The following DPH6 variants were observed in gnomAD, a reference collection of about 807,000 sequenced individuals.
The protein encoded by DPH6 is diphthamine biosynthesis 6.
A neutral mutation model predicts 38.2 loss-of-function variants in DPH6; 33 were observed. The observed-to-expected ratio is 0.86, with a 90% CI of 0.65 to 1.15. DPH6 has a LOEUF of 1.15. Ranked by LOEUF, DPH6 falls within the 50% of genes most tolerant of loss-of-function variation. The pLI, the probability that DPH6 is intolerant of heterozygous loss-of-function variation, is 0.00. For synonymous variants in DPH6, 108 were observed against 103.0 expected (o/e 1.05, Z -0.30); for missense variants, 325 against 320.0 (o/e 1.02, Z -0.12).
intron 3 of DPH6, among the ~76,000 whole-genome samples, chr15:35,264,790 T>C (rs565409905): frequency 1.3e-5 from 2 of 152,314 alleles, no homozygotes; most frequent in Non-Finnish European, 2.9e-5. Flanking sequence ...AAATATGACA[T>C]AGAACTATAA....
At chr15:35,376,355 A>G (rs980194214) in intron 7 of DPH6, among the ~76,000 whole-genome samples, 15 of 152,134 alleles carry the variant, frequency 9.9e-5, no homozygotes, top group African/African-American at 3.6e-4. Flanking sequence ...TCAATTACCT[A>G]TCTTCATGTG....
At chr15:35,376,944 T>C (rs1185475514) in intron 7 of DPH6, among the ~76,000 whole-genome samples, 1 of 152,172 alleles carries the variant, frequency 6.6e-6, no homozygotes, top group Middle Eastern at 3.2e-3. Flanking sequence ...AAGTGACTCA[T>C]GACTGTACAC....
intron 3 of DPH6, chr15:35,519,539 T>C (rs1403229043): frequency 6.6e-6 from 1 of 152,092 alleles, no homozygotes; most frequent in Non-Finnish European, 1.5e-5. Context: ...CCAATAATTC[T>C]AAATGAAAAC....
At chr15:35,390,527 G>A (rs910711614) in intron 6 of DPH6, among the ~76,000 whole-genome samples, 7 of 152,160 alleles carry the variant, frequency 4.6e-5, no homozygotes, top group Non-Finnish European at 7.4e-5. Flanking sequence ...ATTTCTTGGA[G>A]GCTTTGTTCA....
the DPH6 span, among the ~76,000 whole-genome samples, chr15:35,207,455 C>T: frequency 6.6e-6 from 1 of 152,024 alleles, no homozygotes; most frequent in Non-Finnish European, 1.5e-5. Flanking sequence ...ACCAAAGAAC[C>T]AAAAGATTCC....
chr15:35,247,093 C>CCA (rs1338069283), intron 3 of DPH6, among the ~76,000 whole-genome samples: 2 of 152,168 alleles, frequency 1.3e-5, no homozygotes, highest in Admixed American at 6.5e-5. Flanking sequence ...AAAGCTCATT[C>CCA]CACACCAAGG....
intron 3 of DPH6, among the ~76,000 whole-genome samples, chr15:35,522,638 T>C (rs1304708540): frequency 1.3e-5 from 2 of 152,136 alleles, no homozygotes; most frequent in African/African-American, 4.8e-5. Context: ...TGATAATCAA[T>C]AGGAAAGATT....
rs551966972 is a variant in DPH6, at chr15:35,227,644, AT to A, written n.201-7063del. On this transcript the variant is annotated intron_variant and non_coding_transcript_variant, in intron 3 of 3. Coordinates refer to the DPH6 transcript ENST00000560386. ...TTCAAAATCATGTATTTCTGTTCTG[AT>A]TTTTTTTTTCTTCTACTAAGTTTGG... Among the ~76,000 whole-genome samples the A allele has an allele frequency of 1.2e-4, 18 of 144,602 alleles. No individual in the cohort carries two copies. The East Asian group carries it at 1.8e-3, about 15-fold the overall frequency. The allele number at this position is 144,602 out of a possible 152,430, so 94.9% of individuals were successfully genotyped here.
At chr15:35,332,758 G>A (rs892614532) in intron 3 of DPH6, among the ~76,000 whole-genome samples, 5 of 151,972 alleles carry the variant, frequency 3.3e-5, no homozygotes, top group Admixed American at 6.6e-5. Flanking sequence ...TGTTAGTGAC[G>A]ATAATTAGTT....
intron 3 of DPH6, among the ~76,000 whole-genome samples, chr15:35,460,941 T>C (rs929063336): frequency 4.0e-5 from 6 of 148,238 alleles, no homozygotes; most frequent in Non-Finnish European, 7.4e-5. Context: ...CTAGAACTAT[T>C]TCCACACCTA....
At chr15:35,332,788 G>A (rs1016738489) in intron 3 of DPH6, among the ~76,000 whole-genome samples, 1 of 151,958 alleles carries the variant, frequency 6.6e-6, no homozygotes, top group Non-Finnish European at 1.5e-5. Context: ...GTTAAATTAC[G>A]AAGTAAGGAG....
intron 3 of DPH6, among the ~76,000 whole-genome samples, chr15:35,296,959 G>C (rs897385720): frequency 1.3e-5 from 2 of 152,060 alleles, no homozygotes; most frequent in African/African-American, 2.4e-5. Flanking sequence ...TGATGGCCTG[G>C]CTTCTTATTC....
intron 3 of DPH6, among the ~76,000 whole-genome samples, chr15:35,504,528 G>A (rs1278394660): frequency 6.7e-6 from 1 of 150,224 alleles, no homozygotes; most frequent in Non-Finnish European, 1.5e-5. Flanking sequence ...ATATAATATT[G>A]TACTGTTACT....
chr15:35,530,723 G>A (rs76556280), intron 3 of DPH6, among the ~76,000 whole-genome samples: 3,305 of 152,256 alleles, frequency 0.022, 114 homozygotes, highest in African/African-American at 0.071. Flanking sequence ...ATAAGTTTAG[G>A]AACTATAGTA....
At chr15:35,260,663 C>A (rs1167555713) in intron 3 of DPH6, among the ~76,000 whole-genome samples, 2 of 151,938 alleles carry the variant, frequency 1.3e-5, no homozygotes, top group Non-Finnish European at 2.9e-5. Flanking sequence ...TATTAAAATT[C>A]AGATACAAAT....
chr15:35,383,508 C>A (rs2052900129), intron 6 of DPH6, among the ~76,000 whole-genome samples: 2 of 152,204 alleles, frequency 1.3e-5, no homozygotes, highest in Non-Finnish European at 2.9e-5. Context: ...TCTCTTGAAG[C>A]TTACCAAATA....
At chr15:35,376,754 A>G (rs1367380149) in intron 7 of DPH6, among the ~76,000 whole-genome samples, 1 of 152,160 alleles carries the variant, frequency 6.6e-6, no homozygotes, top group East Asian at 1.9e-4. Flanking sequence ...ATGAATATTT[A>G]CCACTGTGTT....
At position 35,526,285 on chromosome 15, in the gene DPH6, G is replaced by A. The variant is rs902545059; in HGVS notation, c.312+11989C>T. On this transcript the variant is annotated intron_variant, in intron 3 of 8. Coordinates refer to ENST00000256538, the MANE Select transcript of DPH6 (RefSeq NM_080650.4). ...GGCTCCAAAACCAATCTTATAGTAG[G>A]GAGTACAGAAGAATCAGCAAATTCT... 2.6e-5 allele frequency among the ~76,000 whole-genome samples: 4 copies of A among 152,200 alleles called. No homozygotes were observed. In the South Asian group the frequency reaches 6.2e-4, roughly 24 times the overall value.
At chr15:35,283,216 CTCT>C (rs938799755) in intron 3 of DPH6, among the ~76,000 whole-genome samples, 5 of 146,698 alleles carry the variant, frequency 3.4e-5, no homozygotes, top group African/African-American at 7.6e-5. Flanking sequence ...CTTCCTCTTC[CTCT>C]TCTTTCTTCT....
Sources: gnomAD v4.1 joint callset for allele counts (sites outside exome capture counted in the v4.1 genomes callset) on GRCh38, gnomAD v4.1.1 for gene constraint, MANE v1.5 for transcripts, NCBI Gene and HGNC (gene_info 2026-07-23, HGNC 2026-07-21) for gene names.